Variants in TSPAN14 observed in about 807,000 individuals in gnomAD.
The protein encoded by TSPAN14 is tetraspanin-14.
A neutral mutation model predicts 36.6 loss-of-function variants in TSPAN14; 16 were observed. The observed-to-expected ratio is 0.44, with a 90% CI of 0.30 to 0.66. The LOEUF (loss-of-function observed/expected upper bound fraction) is 0.66. TSPAN14 is among the 30% of genes least tolerant of loss of function. TSPAN14 has a pLI of 0.12. For missense variants in TSPAN14, 231 were observed against 355.1 expected (o/e 0.65, Z 2.81); for synonymous variants, 139 against 143.8 (o/e 0.97, Z 0.24).
chr10:80,512,127 G>C lies in TSPAN14; in HGVS notation c.451-17G>C, dbSNP rs1409113890. ...CTGTCTTGGAGCCCCTAACAGTTCT[G>C]GCTTTTGTGGTTGCAGAACCAGTGC... On this transcript the variant is annotated splice_polypyrimidine_tract_variant and intron_variant, in intron 5 of 8. Transcript: ENST00000429989. The C allele has an allele frequency of 1.9e-6, 3 of 1,613,954 alleles. No individual in the cohort carries two copies. In the Admixed American group the frequency reaches 5.0e-5, roughly 27 times the overall value.
intron 1 of TSPAN14, among the ~76,000 whole-genome samples, chr10:80,455,333 ACT>A (rs1436837795): frequency 6.6e-6 from 1 of 151,640 alleles, no homozygotes; most frequent in Non-Finnish European, 1.5e-5. Flanking sequence ...GGTGTCACAC[ACT>A]CGTTGGCTGT....
intron 1 of TSPAN14, among the ~76,000 whole-genome samples, chr10:80,461,450 GA>G (rs1241174658): frequency 6.6e-6 from 1 of 152,160 alleles, no homozygotes; most frequent in African/African-American, 2.4e-5. Flanking sequence ...AGCTTCTTGT[GA>G]AATACAAGTG....
At chr10:80,503,158 G>A (rs981600032) in intron 2 of TSPAN14, among the ~76,000 whole-genome samples, 4 of 152,118 alleles carry the variant, frequency 2.6e-5, no homozygotes, top group African/African-American at 9.7e-5. Flanking sequence ...GTGGTGACCA[G>A]TCACCTTCAG....
intron 1 of TSPAN14, among the ~76,000 whole-genome samples, chr10:80,471,052 C>A (rs1846523424): frequency 6.6e-6 from 1 of 152,154 alleles, no homozygotes; most frequent in Non-Finnish European, 1.5e-5. Context: ...GGAGCATTTC[C>A]TGACCAGCTT....
chr10:80,498,102 C>T (rs968702582), intron 2 of TSPAN14, among the ~76,000 whole-genome samples: 2 of 152,202 alleles, frequency 1.3e-5, no homozygotes, highest in African/African-American at 4.8e-5. Context: ...GGCTCTCAGG[C>T]CAGGTTGGGT....
chr10:80,472,811 G>A (rs1385682545), intron 1 of TSPAN14, among the ~76,000 whole-genome samples: 2 of 151,976 alleles, frequency 1.3e-5, no homozygotes, highest in African/African-American at 4.8e-5. Flanking sequence ...TTATTTTGCC[G>A]CTCAGATTGT....
chr10:80,514,080 A>T lies in TSPAN14; in HGVS notation c.621+17A>T. The T allele has an allele frequency of 1.2e-6, 2 of 1,608,388 alleles. No homozygotes were observed. Among genetic ancestry groups the T allele is most frequent in the Non-Finnish European group, 1.7e-6 (2 of 1,175,098 alleles). On this transcript the variant is annotated intron_variant, in intron 7 of 8. Coordinates refer to ENST00000429989, the Ensembl canonical transcript of TSPAN14. ...AGGATTCAGGTGAGAACTCCCATGTATACAACTTGAAGAGTTCTTTAGGTT... is the reference window on the plus strand; with the variant it reads ...AGGATTCAGGTGAGAACTCCCATGTTTACAACTTGAAGAGTTCTTTAGGTT...
intron 1 of TSPAN14, among the ~76,000 whole-genome samples, chr10:80,476,672 C>T (rs1201188138): frequency 6.6e-6 from 1 of 152,044 alleles, no homozygotes; most frequent in African/African-American, 2.4e-5. Context: ...GCCTCGGCCT[C>T]CCAAAGTGCT....
intron 1 of TSPAN14, among the ~76,000 whole-genome samples, chr10:80,474,801 T>C (rs952894255): frequency 3.9e-5 from 6 of 152,140 alleles, no homozygotes; most frequent in African/African-American, 2.4e-5. Context: ...TTTTCTCCAC[T>C]GTCATGTCAT....
intron 2 of TSPAN14, among the ~76,000 whole-genome samples, chr10:80,502,374 T>C (rs1422998669): frequency 6.6e-6 from 1 of 152,094 alleles, no homozygotes; most frequent in Admixed American, 6.5e-5. Context: ...AGTTCCCAGC[T>C]CTGTATTTTT....
At chr10:80,487,933 C>T (rs188321677) in intron 1 of TSPAN14, among the ~76,000 whole-genome samples, 1 of 152,268 alleles carries the variant, frequency 6.6e-6, no homozygotes, top group African/African-American at 2.4e-5. Context: ...GTTTCATGTC[C>T]CTTCTTGGCA....
At chr10:80,513,174 C>T (rs1016893607) in intron 6 of TSPAN14, among the ~76,000 whole-genome samples, 2 of 152,200 alleles carry the variant, frequency 1.3e-5, no homozygotes, top group African/African-American at 4.8e-5. Flanking sequence ...GCTGGGATTA[C>T]AGGTGTGGGC....
intron 4 of TSPAN14, among the ~76,000 whole-genome samples, chr10:80,507,673 T>C (rs1455624497): frequency 2.0e-5 from 3 of 152,262 alleles, no homozygotes; most frequent in African/African-American, 7.2e-5. Context: ...TCTAAAAGAA[T>C]TGTTTGTCTG....
intron 1 of TSPAN14, among the ~76,000 whole-genome samples, chr10:80,475,448 C>T (rs1008851035): frequency 2.6e-5 from 4 of 152,086 alleles, no homozygotes; most frequent in Non-Finnish European, 5.9e-5. Context: ...CACCTGTGGT[C>T]CCAGCTACTT....
At chr10:80,507,667 A>G (rs1840370206) in intron 4 of TSPAN14, among the ~76,000 whole-genome samples, 1 of 152,240 alleles carries the variant, frequency 6.6e-6, no homozygotes, top group African/African-American at 2.4e-5. Flanking sequence ...AGAAATTCTA[A>G]AAGAATTGTT....
intron 1 of TSPAN14, among the ~76,000 whole-genome samples, chr10:80,476,844 T>C (rs1427412542): frequency 6.6e-6 from 1 of 152,174 alleles, no homozygotes; most frequent in Non-Finnish European, 1.5e-5. Context: ...ACAATTTCTG[T>C]AGGTCAGAGG....
chr10:80,477,548 C>G (rs1846988409), intron 1 of TSPAN14, among the ~76,000 whole-genome samples: 1 of 152,118 alleles, frequency 6.6e-6, no homozygotes, highest in Admixed American at 6.5e-5. Context: ...ATGAATGATT[C>G]AATTTAAAAT....
chr10:80,458,200 G>A (rs1045961447), intron 1 of TSPAN14, among the ~76,000 whole-genome samples: 1 of 150,908 alleles, frequency 6.6e-6, no homozygotes, highest in Admixed American at 6.6e-5. Flanking sequence ...CTCGGGGATT[G>A]AGCTTGCAGG....
At chr10:80,514,202 A>G (rs1001962245) in intron 7 of TSPAN14, 139 bp downstream of exon 7, 2 of 756,678 alleles carry the variant, frequency 2.6e-6, no homozygotes, top group Non-Finnish European at 4.5e-6. Context: ...TAAGCTGAGC[A>G]TAGGCACAGG....
Sources: allele counts gnomAD v4.1 joint callset (sites outside exome capture counted in the v4.1 genomes callset), GRCh38; gene constraint gnomAD v4.1.1; transcripts MANE v1.5; gene names NCBI Gene and HGNC (gene_info 2026-07-23, HGNC 2026-07-21).